Variants in SYNE1 observed in about 807,000 individuals in gnomAD.
SYNE1 encodes spectrin repeat containing nuclear envelope protein 1.
A neutral mutation model predicts 1,111.0 loss-of-function variants in SYNE1; 616 were observed. The ratio of observed to expected loss-of-function variants is 0.55; its 90% confidence interval spans 0.52 to 0.59. The LOEUF (loss-of-function observed/expected upper bound fraction) is 0.59. Ranked by LOEUF, SYNE1 falls within the 20% of genes least tolerant of loss-of-function variation. SYNE1 has a pLI of 0.00. For missense variants in SYNE1, 10,006 were observed against 10,417.0 expected (o/e 0.96, Z 1.72); for synonymous variants, 3,855 against 3,825.8 (o/e 1.01, Z -0.28).
chr6:152,454,936 T>C lies in SYNE1; in HGVS notation c.2892+490A>G, dbSNP rs147140389. 1.8e-3 allele frequency among the ~76,000 whole-genome samples: 270 copies of C among 152,242 alleles called. 7 individuals carry two copies. The East Asian group carries it at 0.047, about 27-fold the overall frequency. On this transcript the variant is annotated intron_variant, in intron 24 of 145. Coordinates refer to ENST00000367255, the MANE Select transcript of SYNE1 (RefSeq NM_182961.4). Reference sequence around the variant, plus strand: ...TGACTAATATTCCCAATATTGATATTGAGATGATAAACATGAAGATGGCTT... The same window carrying C: ...TGACTAATATTCCCAATATTGATATCGAGATGATAAACATGAAGATGGCTT...
At chr6:152,364,681 G>A (rs2097021651) in intron 63 of SYNE1, among the ~76,000 whole-genome samples, 166 bp downstream of exon 63, 2 of 126,724 alleles carry the variant, frequency 1.6e-5, no homozygotes, top group South Asian at 5.2e-4. Flanking sequence ...GGAGGAAGGA[G>A]GAAGGAGGAA....
intron 29 of SYNE1, 70 bp from the exon 30 acceptor site, chr6:152,444,648 G>A: frequency 6.9e-7 from 1 of 1,440,506 alleles, no homozygotes; most frequent in Non-Finnish European, 9.5e-7. Context: ...AATTTTTTTG[G>A]TAAGGTATGA....
At chr6:152,255,292 T>G (rs2090538924) in intron 103 of SYNE1, among the ~76,000 whole-genome samples, 1 of 152,218 alleles carries the variant, frequency 6.6e-6, no homozygotes, top group African/African-American at 2.4e-5. Flanking sequence ...CTAGTAATAA[T>G]GAGCAATGTA....
At chr6:152,536,435 CTATATATAGTAATATATATTTATA>C (rs2099242193) in intron 4 of SYNE1, among the ~76,000 whole-genome samples, 1 of 125,288 alleles carries the variant, frequency 8.0e-6, no homozygotes, top group Non-Finnish European at 1.7e-5. Context: ...ATATATATAA[CTATATATAGTAATATATATTTATA>C]TATATATACA....
intron 59 of SYNE1, among the ~76,000 whole-genome samples, chr6:152,371,226 C>G (rs1325255551): frequency 6.6e-6 from 1 of 151,938 alleles, no homozygotes; most frequent in African/African-American, 2.4e-5. Flanking sequence ...TGGGAGGGAC[C>G]CAATGGGAGG....
At chr6:152,442,348 G>A (rs2098539416) in intron 30 of SYNE1, 103 bp from the exon 31 acceptor site, 12 of 1,377,726 alleles carry the variant, frequency 8.7e-6, no homozygotes, top group Admixed American at 7.1e-5. Flanking sequence ...AGGTGGGCCC[G>A]AAATGTATTT....
chr6:152,602,685 G>A (rs988356380), intron 3 of SYNE1, among the ~76,000 whole-genome samples: 2 of 152,112 alleles, frequency 1.3e-5, no homozygotes, highest in African/African-American at 2.4e-5. Flanking sequence ...AACAAGTAGG[G>A]TATAAATACA....
At chr6:152,224,281 T>G (rs2080943827) in intron 117 of SYNE1, among the ~76,000 whole-genome samples, 1 of 152,176 alleles carries the variant, frequency 6.6e-6, no homozygotes, top group Admixed American at 6.5e-5. Flanking sequence ...TTGGAAACCA[T>G]TTAGTTATAT....
At chr6:152,426,610 A>C (rs752507700) in intron 38 of SYNE1, among the ~76,000 whole-genome samples, 110 of 152,370 alleles carry the variant, frequency 7.2e-4, no homozygotes, top group Non-Finnish European at 1.3e-3. Flanking sequence ...CTTCATTTAT[A>C]AGGAAAAGAG....
intron 43 of SYNE1, 144 bp downstream of exon 43, chr6:152,409,415 T>C (rs1177701935): frequency 1.6e-6 from 2 of 1,227,134 alleles, no homozygotes; most frequent in African/African-American, 3.0e-5. Context: ...ATGTCAGCAT[T>C]CCTAGGGGAA....
At chr6:152,175,825 C>A (rs1471183433) in intron 130 of SYNE1, among the ~76,000 whole-genome samples, 1 of 152,136 alleles carries the variant, frequency 6.6e-6, no homozygotes, top group African/African-American at 2.4e-5. Context: ...TCTTACCCAA[C>A]CCTACCCTTC....
At chr6:152,578,139 T>C (rs79072687) in intron 3 of SYNE1, among the ~76,000 whole-genome samples, 8,234 of 152,284 alleles carry the variant, frequency 0.054, 295 homozygotes, top group African/African-American at 0.1. Flanking sequence ...TCATGAAATC[T>C]GAAACTTTAT....
chr6:152,615,131 AT>A (rs1211630028), intron 3 of SYNE1, among the ~76,000 whole-genome samples: 7 of 152,210 alleles, frequency 4.6e-5, no homozygotes, highest in Middle Eastern at 3.4e-3. Context: ...AAAAAGAAAG[AT>A]TTTTTTCCAT....
intron 141 of SYNE1, among the ~76,000 whole-genome samples, chr6:152,135,996 T>C (rs2056987266): frequency 6.6e-6 from 1 of 152,200 alleles, no homozygotes; most frequent in Non-Finnish European, 1.5e-5. Context: ...TTTCCATTTA[T>C]TATATTACCT....
intron 127 of SYNE1, among the ~76,000 whole-genome samples, chr6:152,195,879 G>A (rs1010322148): frequency 7.2e-6 from 1 of 139,058 alleles, no homozygotes. Flanking sequence ...TCAGGGCAAT[G>A]AGCTCCCCCT....
At position 152,222,574 on chromosome 6, in the gene SYNE1, G is replaced by A. The variant is rs557017119; in HGVS notation, c.21523-1015C>T. Among the ~76,000 whole-genome samples the A allele has an allele frequency of 5.3e-5, 8 of 152,252 alleles. No individual in the cohort carries two copies. The East Asian group carries it at 1.5e-3, about 29-fold the overall frequency. On this transcript the variant is annotated intron_variant, in intron 117 of 145. Coordinates refer to ENST00000367255, the MANE Select transcript of SYNE1 (RefSeq NM_182961.4). Reference sequence around the variant, plus strand: ...CAAATAATAATTGTATGTATTTGTAGGGTACTATATGATGTTTTGATATAT... The same window carrying A: ...CAAATAATAATTGTATGTATTTGTAAGGTACTATATGATGTTTTGATATAT...
intron 137 of SYNE1, 150 bp from the exon 138 acceptor site, chr6:152,143,915 G>A (rs1028944105): frequency 1.6e-5 from 18 of 1,110,536 alleles, no homozygotes; most frequent in African/African-American, 1.1e-4. Flanking sequence ...TAGTACCATC[G>A]TGCCGGTGGG....
intron 3 of SYNE1, among the ~76,000 whole-genome samples, chr6:152,565,858 A>G (rs954102236): frequency 2.0e-5 from 3 of 152,182 alleles, no homozygotes; most frequent in African/African-American, 7.2e-5. Flanking sequence ...GTGGGGTTTA[A>G]AAGTTAGAAT....
intron 93 of SYNE1, among the ~76,000 whole-genome samples, chr6:152,299,895 T>G (rs1022224087): frequency 3.3e-5 from 5 of 152,202 alleles, no homozygotes; most frequent in Admixed American, 3.3e-4. Context: ...TTTAGTTGTC[T>G]TCACTAAAAA....
Sources: allele counts gnomAD v4.1 joint callset (sites outside exome capture counted in the v4.1 genomes callset), GRCh38; gene constraint gnomAD v4.1.1; transcripts MANE v1.5; gene names NCBI Gene and HGNC (gene_info 2026-07-23, HGNC 2026-07-21).